Variants in AUTS2 observed in about 807,000 individuals in gnomAD.
AUTS2 encodes activator of transcription and developmental regulator AUTS2.
AUTS2 carries 17 observed loss-of-function variants against 112.4 expected under a neutral mutation model. That is an observed-to-expected ratio of 0.15 (90% confidence interval 0.10 to 0.23). The LOEUF (loss-of-function observed/expected upper bound fraction) is 0.23, where lower values mean the gene tolerates loss of function less well. Ranked by LOEUF, AUTS2 falls within the 10% of genes least tolerant of loss-of-function variation. AUTS2 has a pLI of 1.00. For missense variants in AUTS2, 1,510 were observed against 1,701.6 expected, an observed-to-expected ratio of 0.89 and a Z score of 1.98; for synonymous variants, 751 against 702.7, an observed-to-expected ratio of 1.07 and a Z score of -1.09.
intron 1 of AUTS2, among the ~76,000 whole-genome samples, chr7:69,676,536 T>G (rs1021874370): frequency 1.3e-5 from 2 of 152,254 alleles, no homozygotes; most frequent in Non-Finnish European, 2.9e-5. Context: ...GGAGGTCTTA[T>G]GCTTCACAAT....
At chr7:70,234,994 A>G (rs773348829) in intron 4 of AUTS2, among the ~76,000 whole-genome samples, 1 of 152,166 alleles carries the variant, frequency 6.6e-6, no homozygotes, top group Non-Finnish European at 1.5e-5. Context: ...AAATATTCAC[A>G]TAAAAGATTC....
chr7:70,784,155 A>G (rs1307601210), intron 15 of AUTS2: 2 of 152,224 alleles, frequency 1.3e-5, no homozygotes, highest in African/African-American at 4.8e-5. Context: ...AGAATCAACC[A>G]GCTTTTCCTG....
intron 1 of AUTS2, among the ~76,000 whole-genome samples, chr7:69,735,520 C>A (rs1217984227): frequency 6.6e-6 from 1 of 152,166 alleles, no homozygotes; most frequent in Non-Finnish European, 1.5e-5. Context: ...CTATTATTTT[C>A]TCCCAAAGAC....
intron 5 of AUTS2, among the ~76,000 whole-genome samples, chr7:70,649,970 G>T (rs1001590868): frequency 2.0e-5 from 3 of 152,192 alleles, no homozygotes; most frequent in African/African-American, 7.2e-5. Flanking sequence ...AGAACAAAAT[G>T]GCTTCAACCA....
intron 4 of AUTS2, among the ~76,000 whole-genome samples, chr7:70,161,834 G>A (rs1808091335): frequency 6.6e-6 from 1 of 152,026 alleles, no homozygotes; most frequent in Non-Finnish European, 1.5e-5. Flanking sequence ...GCCTCGTGGT[G>A]TAATTTTTTA....
intron 2 of AUTS2, among the ~76,000 whole-genome samples, chr7:70,051,443 G>A (rs778439184): frequency 1.1e-4 from 16 of 152,196 alleles, no homozygotes; most frequent in Admixed American, 1.3e-4. Flanking sequence ...GGGGCTGAGC[G>A]TGTTGGCTCA....
intron 1 of AUTS2, among the ~76,000 whole-genome samples, chr7:69,728,828 T>C (rs1466938712): frequency 6.6e-6 from 1 of 152,120 alleles, no homozygotes; most frequent in African/African-American, 2.4e-5. Flanking sequence ...AGAGCTTTAA[T>C]CTCAGCTTTC....
chr7:70,170,862 T>G (rs1330238308), intron 4 of AUTS2, among the ~76,000 whole-genome samples: 1 of 152,254 alleles, frequency 6.6e-6, no homozygotes, highest in African/African-American at 2.4e-5. Flanking sequence ...TTCCTCGGCC[T>G]CCTAGAGTGC....
intron 1 of AUTS2, among the ~76,000 whole-genome samples, chr7:69,817,669 T>C (rs1468445199): frequency 6.6e-6 from 1 of 152,100 alleles, no homozygotes. Context: ...ATTTGGATTA[T>C]GAGTAGCAGA....
intron 6 of AUTS2, among the ~76,000 whole-genome samples, chr7:70,726,946 T>C (rs548037980): frequency 6.6e-6 from 1 of 152,338 alleles, no homozygotes; most frequent in Admixed American, 6.5e-5. Context: ...TTTGATCAGG[T>C]AAATTCTAAA....
At chr7:70,336,064 G>A (rs990283168) in intron 4 of AUTS2, among the ~76,000 whole-genome samples, 10 of 152,078 alleles carry the variant, frequency 6.6e-5, no homozygotes, top group African/African-American at 1.9e-4. Flanking sequence ...GATCTTTCAC[G>A]TTACAAACAG....
intron 1 of AUTS2, among the ~76,000 whole-genome samples, chr7:69,663,451 T>C (rs1192440100): frequency 6.6e-6 from 1 of 152,180 alleles, no homozygotes; most frequent in Non-Finnish European, 1.5e-5. Flanking sequence ...TACCAGCTAA[T>C]ATAATTATGC....
At chr7:69,806,258 C>T (rs1308960210) in intron 1 of AUTS2, among the ~76,000 whole-genome samples, 2 of 115,674 alleles carry the variant, frequency 1.7e-5, no homozygotes, top group African/African-American at 6.8e-5. Flanking sequence ...AGAAGAAAGA[C>T]AAGAGGAAGA....
chr7:70,640,421 G>A (rs1043526174), intron 5 of AUTS2, among the ~76,000 whole-genome samples: 96 of 93,616 alleles, frequency 1.0e-3, no homozygotes, highest in African/African-American at 2.6e-3. Flanking sequence ...CTCACAGGGG[G>A]AAAAAAAAAA....
At chr7:69,850,610 GC>G (rs1792436275) in intron 1 of AUTS2, among the ~76,000 whole-genome samples, 1 of 151,960 alleles carries the variant, frequency 6.6e-6, no homozygotes, top group Non-Finnish European at 1.5e-5. Context: ...GTTAGTGATG[GC>G]AGACATTTTT....
intron 2 of AUTS2, among the ~76,000 whole-genome samples, chr7:70,029,061 G>GCT (rs768964327): frequency 3.3e-5 from 5 of 152,250 alleles, no homozygotes; most frequent in Non-Finnish European, 2.9e-5. Context: ...ACACTCTGGG[G>GCT]CTAGACTGAC....
At chr7:70,185,102 G>T (rs1384304044) in intron 4 of AUTS2, among the ~76,000 whole-genome samples, 2 of 151,990 alleles carry the variant, frequency 1.3e-5, no homozygotes, top group African/African-American at 4.8e-5. Context: ...TCAGCAAAGG[G>T]TGGCACATAG....
chr7:70,271,839 A>G (rs911389663), intron 4 of AUTS2, among the ~76,000 whole-genome samples: 2 of 152,220 alleles, frequency 1.3e-5, no homozygotes, highest in African/African-American at 4.8e-5. Context: ...TCTGTAACAA[A>G]TATCTGCCGC....
chr7:70,614,155 A>G (rs549099103), intron 5 of AUTS2, among the ~76,000 whole-genome samples: 147 of 152,314 alleles, frequency 9.7e-4, no homozygotes, highest in African/African-American at 3.4e-3. Flanking sequence ...TTACTGCCCA[A>G]ATCCCACCAA....
Sources: allele counts gnomAD v4.1 joint callset (sites outside exome capture counted in the v4.1 genomes callset), GRCh38; gene constraint gnomAD v4.1.1; transcripts MANE v1.5; gene names NCBI Gene and HGNC (gene_info 2026-07-23, HGNC 2026-07-21).